PDZD2: variants seen among roughly 807,000 people sequenced by gnomAD.
PDZD2 encodes the protein PDZ domain containing 2.
In PDZD2, 90 loss-of-function variants were observed where a neutral mutation model predicts 220.7. The ratio of observed to expected loss-of-function variants is 0.41; its 90% CI spans 0.34 to 0.49. The LOEUF is 0.49. Ranked by LOEUF, PDZD2 falls within the 20% of genes least tolerant of loss-of-function variation. PDZD2 has a pLI of 0.28. For synonymous variants in PDZD2, 1,375 were observed against 1,450.5 expected (o/e 0.95, Z 1.18); for missense variants, 3,174 against 3,608.5 (o/e 0.88, Z 3.08).
intron 14 of PDZD2, among the ~76,000 whole-genome samples, chr5:32,068,581 A>G (rs927797295): frequency 6.6e-6 from 1 of 152,254 alleles, no homozygotes; most frequent in Non-Finnish European, 1.5e-5. Flanking sequence ...CCCAGACTAC[A>G]GACACACTTT....
chr5:31,926,545 A>C (rs1390723702), intron 2 of PDZD2, among the ~76,000 whole-genome samples: 1 of 150,952 alleles, frequency 6.6e-6, no homozygotes, highest in Non-Finnish European at 1.5e-5. Context: ...AAAAAAAAAA[A>C]GAAAATTAAA....
Position 32,048,666 on chromosome 5 carries a change from C to T in PDZD2, c.1647C>T (p.Asp549=). 6.2e-7 allele frequency: 1 copy of T among 1,614,108 alleles called. No individual in the cohort carries two copies. The highest frequency in any genetic ancestry group is 8.5e-7 in the Non-Finnish European group (1 of 1,179,980). Residue 549 remains aspartate, a synonymous_variant, in exon 8 of 25, where the codon GAC becomes GAT. Coordinates refer to ENST00000438447, the MANE Select transcript of PDZD2 (RefSeq NM_178140.4). ...AACACTCCCTCCCGCAGCTGCTGGA[C>T]TCTTCCAGTGCCTCACAGGTCCGAC... The part of the protein sequence containing the change: ...GRKHSLPQLL[D]SSSASQEYHI...
intron 1 of PDZD2, among the ~76,000 whole-genome samples, chr5:31,692,241 T>TGGGGCCGGC (rs988845945): frequency 1.3e-5 from 2 of 152,148 alleles, no homozygotes; most frequent in Admixed American, 6.5e-5. Context: ...CCGGGGCCGG[T>TGGGGCCGGC]GGGGCCGGCC....
chr5:31,783,338 G>A (rs1753168623), intron 1 of PDZD2, among the ~76,000 whole-genome samples: 2 of 152,214 alleles, frequency 1.3e-5, no homozygotes, highest in Admixed American at 6.5e-5. Flanking sequence ...TGGAGAACAC[G>A]GGAGGGAAGG....
chr5:31,651,966 C>T (rs1022508863), intron 1 of PDZD2, among the ~76,000 whole-genome samples: 2 of 147,808 alleles, frequency 1.4e-5, no homozygotes, highest in East Asian at 2.0e-4. Context: ...ATTATAGGTG[C>T]GCACCACCAT....
chr5:31,656,706 C>T (rs1292705290), intron 1 of PDZD2, among the ~76,000 whole-genome samples: 1 of 152,122 alleles, frequency 6.6e-6, no homozygotes, highest in African/African-American at 2.4e-5. Flanking sequence ...GGTTTCAGTA[C>T]CATGTTTGAA....
intron 5 of PDZD2, among the ~76,000 whole-genome samples, chr5:32,009,311 C>G (rs1180396631): frequency 6.6e-6 from 1 of 150,794 alleles, no homozygotes; most frequent in Admixed American, 6.6e-5. Flanking sequence ...CCACTGCACT[C>G]CAGCCTGGGC....
intron 1 of PDZD2, among the ~76,000 whole-genome samples, chr5:31,649,093 G>T (rs1286226022): frequency 1.3e-5 from 2 of 151,822 alleles, no homozygotes; most frequent in Non-Finnish European, 1.5e-5. Flanking sequence ...GTGCAGGCTG[G>T]TCTCAAACTC....
chr5:31,839,147 T>A (rs982174828), intron 2 of PDZD2, among the ~76,000 whole-genome samples: 2 of 152,202 alleles, frequency 1.3e-5, no homozygotes, highest in Non-Finnish European at 2.9e-5. Flanking sequence ...TTCCTTCAGT[T>A]TGCTTTCAAT....
chr5:31,764,283 C>T (rs1013767220), intron 1 of PDZD2, among the ~76,000 whole-genome samples: 1 of 152,190 alleles, frequency 6.6e-6, no homozygotes, highest in African/African-American at 2.4e-5. Context: ...GATAGTCTTT[C>T]TAGAGGGATT....
chr5:32,107,944 A>C (rs747817015), intron 24 of PDZD2, 25 bp from the exon 25 acceptor site: 2 of 1,564,818 alleles, frequency 1.3e-6, no homozygotes, highest in Non-Finnish European at 1.7e-6. Context: ...CCAAGCTATT[A>C]ATTATTCTGT....
In PDZD2 at chr5:31,648,103, A is replaced by G. The variant is rs112667753; in HGVS notation, c.-361+8666A>G. Among the ~76,000 whole-genome samples, 479 of 152,296 alleles carry G rather than the reference A, an allele frequency of 3.1e-3. 4 individuals carry two copies. Among genetic ancestry groups the G allele is most frequent in the Non-Finnish European group, 2.0e-3 (135 of 68,024 alleles). On this transcript the variant is annotated intron_variant, in intron 1 of 24. Transcript: ENST00000438447. ...AAAATAGTAACAACAACTGATATTC[A>G]TTGTTTTATGCTCTTGACCTGGGAC...
chr5:31,863,024 G>A (rs751177632), intron 2 of PDZD2, among the ~76,000 whole-genome samples: 6 of 152,166 alleles, frequency 3.9e-5, no homozygotes, highest in African/African-American at 1.2e-4. Context: ...GATTACAGGC[G>A]TGAGCCATGG....
intron 1 of PDZD2, among the ~76,000 whole-genome samples, chr5:31,749,297 G>A (rs557535234): frequency 1.1e-4 from 16 of 152,136 alleles, no homozygotes; most frequent in Non-Finnish European, 2.1e-4. Context: ...TCCATGCCTT[G>A]TATTGGTGAG....
Position 31,799,439 on chromosome 5 carries a change from C to A in PDZD2, c.191C>A (p.Pro64His), listed in dbSNP as rs752516485. 1 of 1,614,090 alleles carries A rather than the reference C, an allele frequency of 6.2e-7. No homozygotes were observed. The highest frequency in any genetic ancestry group is 8.5e-7 in the Non-Finnish European group (1 of 1,180,040). ...ACGGTCCCACCTGATCACAGCCCCC[C>A]CGAAATGGAGATCTGTACTGTGTAC... Reference protein sequence around the residue: ...ESTVPPDHSPPEMEICTVYLT... With the variant: ...ESTVPPDHSPHEMEICTVYLT... The change falls in exon 2 of 25, where the codon CCC (proline) becomes CAC (histidine). Residue 64 changes from proline to histidine, a missense_variant. Physicochemically the swap from Pro to His is moderately conservative, Grantham distance 77 (BLOSUM62 -2). Transcript: ENST00000438447.
intron 2 of PDZD2, among the ~76,000 whole-genome samples, chr5:31,835,014 A>G (rs1344592586): frequency 6.6e-6 from 1 of 152,112 alleles, no homozygotes; most frequent in Non-Finnish European, 1.5e-5. Flanking sequence ...AAGAAACATG[A>G]ACTCTTCAGG....
At chr5:32,100,907 A>C (rs771743178) in intron 23 of PDZD2, 198 bp from the exon 24 acceptor site, 1 of 1,591,614 alleles carries the variant, frequency 6.3e-7, no homozygotes, top group Admixed American at 1.7e-5. Flanking sequence ...CACAGCCAGG[A>C]GGGCAGCCCC....
In PDZD2 at chr5:32,110,826, C is replaced by G. The variant is rs1745320684; in HGVS notation, c.*2691C>G. On this transcript the variant is annotated 3_prime_UTR_variant, in exon 25 of 25. Coordinates refer to ENST00000438447, the MANE Select transcript of PDZD2 (RefSeq NM_178140.4). ...GAGTAAGTGCAATAATATGAAATAG[C>G]CTGTACATTTTAAAAATGTTGTCAC... 2.0e-5 allele frequency: 3 copies of G among 152,322 alleles called. No homozygotes were observed. The highest frequency in any genetic ancestry group is 1.3e-4 in the Admixed American group (2 of 15,256). The allele number at this position is 152,322 out of a possible 1,614,324, so 9.4% of individuals were successfully genotyped here.
chr5:31,832,715 C>A (rs551929438), intron 2 of PDZD2, among the ~76,000 whole-genome samples: 171 of 152,252 alleles, frequency 1.1e-3, no homozygotes, highest in African/African-American at 3.9e-3. Context: ...ACTCAGGAGG[C>A]TGAGGCAGGA....
Sources: gnomAD v4.1 joint callset for allele counts (sites outside exome capture counted in the v4.1 genomes callset) on GRCh38, gnomAD v4.1.1 for gene constraint, MANE v1.5 for transcripts, NCBI Gene and HGNC (gene_info 2026-07-23, HGNC 2026-07-21) for gene names.